Variants in GLIPR1L1 observed in about 807,000 individuals in gnomAD.
The protein encoded by GLIPR1L1 is GLIPR1-like protein 1.
GLIPR1L1 carries 26 observed loss-of-function variants against 29.9 expected under a neutral mutation model. That is an observed-to-expected ratio of 0.87 (90% CI 0.64 to 1.21). GLIPR1L1 has a LOEUF of 1.21. Ranked by LOEUF, GLIPR1L1 falls within the 50% of genes most tolerant of loss-of-function variation. GLIPR1L1 has a pLI of 0.00. For missense variants in GLIPR1L1, 305 were observed against 290.3 expected, an observed-to-expected ratio of 1.05 and a Z score of -0.37; for synonymous variants, 77 against 97.5, an observed-to-expected ratio of 0.79 and a Z score of 1.24.
intron 3 of GLIPR1L1, among the ~76,000 whole-genome samples, chr12:75,359,124 T>A (rs2043372245): frequency 6.7e-6 from 1 of 150,238 alleles, no homozygotes; most frequent in African/African-American, 2.4e-5. Flanking sequence ...GATACAAAAT[T>A]AGTATACAAA....
Position 75,370,302 on chromosome 12 carries a change from A to C in GLIPR1L1, c.*126A>C. The C allele has an allele frequency of 1.8e-6, 1 of 570,310 alleles. No individual in the cohort carries two copies. Among genetic ancestry groups the C allele is most frequent in the South Asian group, 2.5e-5 (1 of 39,808 alleles). The allele number at this position is 570,310 out of a possible 1,614,324, so 35.3% of individuals were successfully genotyped here. A position where few individuals can be genotyped will look rare whatever the true frequency, so the allele number is the denominator to read the frequency against. On this transcript the variant is annotated 3_prime_UTR_variant, in exon 6 of 6. Coordinates refer to ENST00000378695, the MANE Select transcript of GLIPR1L1 (RefSeq NM_001304964.2). The stretch of plus-strand genomic sequence containing the variant: ...ACACTCTTGCCTGATACCTAAATTT[A>C]ATGTTTGTTTTTAACTCAAAAAATG...
chr12:75,347,575 A>G (rs767743987), intron 2 of GLIPR1L1, 47 bp from the exon 3 acceptor site: 3 of 1,210,768 alleles, frequency 2.5e-6, no homozygotes, highest in Non-Finnish European at 1.2e-6. Context: ...CATTGTTTGC[A>G]TAGAATTGTT....
intron 2 of GLIPR1L1, among the ~76,000 whole-genome samples, chr12:75,346,049 A>G (rs1174933842): frequency 6.6e-6 from 1 of 152,216 alleles, no homozygotes; most frequent in African/African-American, 2.4e-5. Flanking sequence ...TATTAGAGTT[A>G]CATCCAATGT....
At chr12:75,353,358 T>C (rs1372239304) in intron 3 of GLIPR1L1, among the ~76,000 whole-genome samples, 1 of 152,168 alleles carries the variant, frequency 6.6e-6, no homozygotes, top group Non-Finnish European at 1.5e-5. Context: ...CAGAGAATAC[T>C]ATAAACACCT....
intron 1 of GLIPR1L1, among the ~76,000 whole-genome samples, chr12:75,335,712 T>C (rs2041686027): frequency 6.6e-6 from 1 of 152,074 alleles, no homozygotes; most frequent in Non-Finnish European, 1.5e-5. Flanking sequence ...TATATTTTGA[T>C]GGAGAAAGAT....
chr12:75,348,379 G>C (rs1302175617), intron 3 of GLIPR1L1, among the ~76,000 whole-genome samples: 2 of 152,158 alleles, frequency 1.3e-5, no homozygotes, highest in African/African-American at 4.8e-5. Context: ...AAAAGTACTA[G>C]AGAGAGGCAG....
chr12:75,360,774 CCA>C (rs1033710849), intron 3 of GLIPR1L1: 1 of 152,142 alleles, frequency 6.6e-6, no homozygotes, highest in Non-Finnish European at 1.5e-5. Context: ...GTCTCCAACC[CCA>C]CCTTTTCTTT....
At chr12:75,368,561 G>A (rs887544595) in intron 4 of GLIPR1L1, among the ~76,000 whole-genome samples, 1 of 150,918 alleles carries the variant, frequency 6.6e-6, no homozygotes, top group Admixed American at 6.6e-5. Context: ...TGGTCATGAG[G>A]TTTCCTTAAG....
Position 75,334,871 on chromosome 12 carries a change from T to G in GLIPR1L1, c.143T>G (p.Val48Gly), listed in dbSNP as rs1302075566. 1.2e-6 allele frequency: 2 copies of G among 1,613,894 alleles called. No homozygotes were observed. Among genetic ancestry groups the G allele is most frequent in the Non-Finnish European group, 1.7e-6 (2 of 1,179,984 alleles). The part of the protein sequence containing the change: ...IEAHNEWRGK[V>G]NPPAADMKYM... ...GCCCACAACGAATGGCGTGGCAAAG[T>G]CAACCCTCCCGCGGCCGACATGAAA... Residue 48 changes from valine (V) to glycine (G), a missense_variant, in exon 1 of 6, where the codon GTC becomes GGC. Coordinates refer to ENST00000378695, the MANE Select transcript of GLIPR1L1 (RefSeq NM_001304964.2).
At chr12:75,358,218 C>T (rs1345686343) in intron 3 of GLIPR1L1, among the ~76,000 whole-genome samples, 10 of 151,388 alleles carry the variant, frequency 6.6e-5, no homozygotes, top group Admixed American at 6.6e-4. Context: ...ATAAATTTTA[C>T]CACTTGGATG....
chr12:75,359,040 A>G (rs1220566696), intron 3 of GLIPR1L1, among the ~76,000 whole-genome samples: 1 of 150,372 alleles, frequency 6.7e-6, no homozygotes, highest in Non-Finnish European at 1.5e-5. Flanking sequence ...CACTGTGCTG[A>G]TTGCTACTGT....
At position 75,370,537 on chromosome 12, in the gene GLIPR1L1, T is replaced by C. The variant is rs142684178; in HGVS notation, c.*361T>C. ...CCAATAGTTTCCTTTATGAATACCA[T>C]CAACATCATTCAGAAACAAAATGTT... On this transcript the variant is annotated 3_prime_UTR_variant, in exon 6 of 6. Transcript: ENST00000378695. 1.4e-3 allele frequency: 223 copies of C among 159,206 alleles called. No individual in the cohort carries two copies. Among genetic ancestry groups the C allele is most frequent in the African/African-American group, 5.0e-3 (207 of 41,768 alleles). 9.9% of individuals were successfully genotyped at this position (159,206 alleles called of 1,614,324 possible).
intron 4 of GLIPR1L1, 151 bp from the exon 5 acceptor site, chr12:75,369,809 G>A (rs533998934): frequency 6.9e-5 from 89 of 1,287,744 alleles, no homozygotes; most frequent in Middle Eastern, 6.0e-4. Context: ...TTTAAGTACT[G>A]TAGGATTGAG....
intron 3 of GLIPR1L1, among the ~76,000 whole-genome samples, 184 bp from the exon 4 acceptor site, chr12:75,362,918 C>A (rs948724714): frequency 6.6e-6 from 1 of 152,040 alleles, no homozygotes; most frequent in Non-Finnish European, 1.5e-5. Flanking sequence ...CGTGATTCAT[C>A]CTGTAAGGAA....
chr12:75,362,865 A>G (rs1236759240), intron 3 of GLIPR1L1, among the ~76,000 whole-genome samples: 1 of 152,200 alleles, frequency 6.6e-6, no homozygotes, highest in Non-Finnish European at 1.5e-5. Flanking sequence ...CTGGGTTCAC[A>G]TCTCATTATT....
At chr12:75,358,291 C>T (rs1407441574) in intron 3 of GLIPR1L1, among the ~76,000 whole-genome samples, 1 of 151,650 alleles carries the variant, frequency 6.6e-6, no homozygotes, top group Non-Finnish European at 1.5e-5. Flanking sequence ...AAGTATAGAG[C>T]AATATCCCTC....
Position 75,369,123 on chromosome 12 carries a change from G to A in GLIPR1L1, c.611-837G>A, listed in dbSNP as rs554471651. On this transcript the variant is annotated intron_variant, in intron 4 of 5. Transcript: ENST00000378695. The stretch of plus-strand genomic sequence containing the variant: ...GTTATATATGTAGACCTTGGAGTCA[G>A]ATGGTTTAACTCAAGAGGTGATTAA... Among the ~76,000 whole-genome samples the A allele has an allele frequency of 2.0e-5, 3 of 152,032 alleles. No individual in the cohort carries two copies. In the East Asian group the frequency reaches 5.8e-4, roughly 29 times the overall value.
intron 2 of GLIPR1L1, among the ~76,000 whole-genome samples, chr12:75,346,420 T>C (rs1294275207): frequency 1.3e-5 from 2 of 151,888 alleles, no homozygotes; most frequent in African/African-American, 2.4e-5. Context: ...AGACGGAGTC[T>C]CGCCCTGTAA....
chr12:75,365,580 T>C (rs1481155814), intron 4 of GLIPR1L1, among the ~76,000 whole-genome samples: 1 of 152,146 alleles, frequency 6.6e-6, no homozygotes, highest in African/African-American at 2.4e-5. Context: ...ATTTTTTAAG[T>C]TGGATGTTGC....
Sources: allele counts gnomAD v4.1 joint callset (sites outside exome capture counted in the v4.1 genomes callset), GRCh38; gene constraint gnomAD v4.1.1; transcripts MANE v1.5; gene names NCBI Gene and HGNC (gene_info 2026-07-23, HGNC 2026-07-21).